Variants in RBFOX3 observed in about 807,000 individuals in gnomAD.
The protein encoded by RBFOX3 is RNA binding fox-1 homolog 3, also known as RNA binding protein fox-1 homolog 3.
In RBFOX3, 17 loss-of-function variants were observed where a neutral mutation model predicts 48.7. That is an observed-to-expected ratio of 0.35 (90% CI 0.24 to 0.52). RBFOX3 has a LOEUF of 0.52. RBFOX3 is among the 20% of genes least tolerant of loss of function. RBFOX3 has a pLI of 0.94. For synonymous variants in RBFOX3, 212 were observed against 209.5 expected (o/e 1.01, Z -0.10); for missense variants, 382 against 497.5 (o/e 0.77, Z 2.21).
At chr17:79,455,214 C>T (rs1267830067) in intron 2 of RBFOX3, among the ~76,000 whole-genome samples, 16 of 152,308 alleles carry the variant, frequency 1.1e-4, no homozygotes, top group African/African-American at 3.9e-4. Context: ...ATGTGCTACT[C>T]CCAGGTCAGC....
chr17:79,628,303 C>A, the RBFOX3 span, among the ~76,000 whole-genome samples: 1 of 152,152 alleles, frequency 6.6e-6, no homozygotes, highest in Admixed American at 6.5e-5. Context: ...GGCCCCAATG[C>A]GCTTCCTGCT....
At chr17:79,153,546 T>G (rs1218193285) in intron 4 of RBFOX3, among the ~76,000 whole-genome samples, 1 of 152,142 alleles carries the variant, frequency 6.6e-6, no homozygotes, top group African/African-American at 2.4e-5. Context: ...GCTTCCCGTT[T>G]ATCAGAGCCC....
intron 5 of RBFOX3, among the ~76,000 whole-genome samples, chr17:79,114,542 C>T (rs2033245020): frequency 6.6e-6 from 1 of 152,218 alleles, no homozygotes. Context: ...AGGCTCCTAT[C>T]TGCGTCCACG....
At chr17:79,230,804 G>A (rs903013165) in intron 4 of RBFOX3, among the ~76,000 whole-genome samples, 3 of 152,114 alleles carry the variant, frequency 2.0e-5, no homozygotes, top group East Asian at 1.9e-4. Flanking sequence ...GGGGACAAGG[G>A]CCAGGCCCAG....
intron 2 of RBFOX3, among the ~76,000 whole-genome samples, chr17:79,384,079 A>G (rs562063589): frequency 6.6e-6 from 1 of 152,248 alleles, no homozygotes; most frequent in South Asian, 2.1e-4. Context: ...CAGCCGCCAC[A>G]TGCCCACAGC....
At chr17:79,596,856 G>A (rs1029498478) in intron 1 of RBFOX3, among the ~76,000 whole-genome samples, 75 of 152,260 alleles carry the variant, frequency 4.9e-4, no homozygotes, top group African/African-American at 1.3e-3. Flanking sequence ...TGTCCTCTGC[G>A]TGCCTGTCTA....
chr17:79,184,048 C>T (rs1371969755), intron 4 of RBFOX3, among the ~76,000 whole-genome samples: 2 of 152,378 alleles, frequency 1.3e-5, no homozygotes, highest in Admixed American at 6.5e-5. Context: ...GCGCCTCGTC[C>T]TGTTTCGCGT....
intron 1 of RBFOX3, among the ~76,000 whole-genome samples, chr17:79,584,927 A>G (rs1439245323): frequency 6.6e-6 from 1 of 151,928 alleles, no homozygotes; most frequent in South Asian, 2.1e-4. Flanking sequence ...CACCACACCC[A>G]GCTACTTTTT....
At chr17:79,529,160 G>C (rs923039663) in intron 1 of RBFOX3, among the ~76,000 whole-genome samples, 2 of 152,182 alleles carry the variant, frequency 1.3e-5, no homozygotes, top group Admixed American at 1.3e-4. Context: ...AGGGTACCCA[G>C]GATTCCACGC....
chr17:79,267,618 T>C (rs1284941340), intron 3 of RBFOX3, among the ~76,000 whole-genome samples: 1 of 152,168 alleles, frequency 6.6e-6, no homozygotes, highest in Non-Finnish European at 1.5e-5. Flanking sequence ...CTTGAACTCC[T>C]GACCTCAGAC....
At chr17:79,217,919 A>G (rs1273029241) in intron 4 of RBFOX3, among the ~76,000 whole-genome samples, 1 of 151,794 alleles carries the variant, frequency 6.6e-6, no homozygotes, top group Non-Finnish European at 1.5e-5. Flanking sequence ...TGGAGCTGAG[A>G]GGGCAGGGTG....
chr17:79,574,375 C>T (rs1334842537), intron 1 of RBFOX3, among the ~76,000 whole-genome samples: 2 of 152,112 alleles, frequency 1.3e-5, no homozygotes, highest in Admixed American at 6.5e-5. Flanking sequence ...GTAAAGAAGC[C>T]GGCCAAAACC....
At chr17:79,569,799 T>A (rs2092599344) in intron 1 of RBFOX3, among the ~76,000 whole-genome samples, 1 of 152,168 alleles carries the variant, frequency 6.6e-6, no homozygotes, top group Non-Finnish European at 1.5e-5. Context: ...AGATGGATGG[T>A]GTATGAACAG....
intron 4 of RBFOX3, among the ~76,000 whole-genome samples, chr17:79,170,691 TG>T (rs781020548): frequency 3.3e-5 from 5 of 152,090 alleles, no homozygotes; most frequent in Non-Finnish European, 7.4e-5. Context: ...CGGCCGCCCC[TG>T]GTCTGTAGCT....
intron 5 of RBFOX3, among the ~76,000 whole-genome samples, chr17:79,112,945 G>GAAGGAAGA (rs2032537145): frequency 6.6e-6 from 1 of 150,398 alleles, no homozygotes; most frequent in African/African-American, 2.5e-5. Flanking sequence ...GGATGGTGGG[G>GAAGGAAGA]AAGGAAGAGA....
chr17:79,536,528 C>A lies in RBFOX3; in HGVS notation c.-319-53930G>T, dbSNP rs559211225. 5.2e-5 allele frequency among the ~76,000 whole-genome samples: 8 copies of A among 152,388 alleles called. No homozygotes were observed. In the East Asian group the frequency reaches 1.5e-3, roughly 29 times the overall value. ...GCTTAATTACAGCTCCCAAAACACC[C>A]ACTGTGGTGGCATCAGCCCCGTCAA... is the stretch of plus-strand genomic sequence containing the variant. On this transcript the variant is annotated intron_variant, in intron 1 of 14. Transcript: ENST00000693108.
chr17:79,612,189 T>A (rs1172858732), upstream of RBFOX3, among the ~76,000 whole-genome samples: 4 of 152,048 alleles, frequency 2.6e-5, no homozygotes, highest in African/African-American at 9.7e-5. Context: ...CAAAAGACAT[T>A]CTGGTGCAGC....
intron 4 of RBFOX3, among the ~76,000 whole-genome samples, chr17:79,180,193 C>T (rs977537620): frequency 2.6e-5 from 4 of 152,214 alleles, no homozygotes; most frequent in African/African-American, 9.7e-5. Flanking sequence ...AATCACAGAA[C>T]TGTTGTGTCT....
intron 2 of RBFOX3, among the ~76,000 whole-genome samples, chr17:79,310,673 C>T (rs1414487961): frequency 6.6e-6 from 1 of 152,204 alleles, no homozygotes; most frequent in African/African-American, 2.4e-5. Context: ...CCAGCCTCTG[C>T]CCGGGCCCTT....
Sources: gnomAD v4.1 joint callset for allele counts (sites outside exome capture counted in the v4.1 genomes callset) on GRCh38, gnomAD v4.1.1 for gene constraint, MANE v1.5 for transcripts, NCBI Gene and HGNC (gene_info 2026-07-23, HGNC 2026-07-21) for gene names.